RCAN2: variants seen among roughly 807,000 people sequenced by gnomAD.
RCAN2 encodes regulator of calcineurin 2.
RCAN2 carries 9 observed loss-of-function variants against 23.6 expected under a neutral mutation model. The observed-to-expected ratio is 0.38, with a 90% CI of 0.23 to 0.67. The LOEUF (loss-of-function observed/expected upper bound fraction) is 0.67, where lower values mean the gene tolerates loss of function less well. Among genes scored for constraint, RCAN2 ranks in the 30% least tolerant of loss-of-function variants. The pLI is 0.51. For synonymous variants in RCAN2, 109 were observed against 115.7 expected, an observed-to-expected ratio of 0.94 and a Z score of 0.37; for missense variants, 273 against 302.3, an observed-to-expected ratio of 0.90 and a Z score of 0.72.
chr6:46,366,655 C>T (rs1203485837), intron 2 of RCAN2, among the ~76,000 whole-genome samples: 4 of 152,024 alleles, frequency 2.6e-5, no homozygotes, highest in African/African-American at 9.7e-5. Flanking sequence ...TCCTCCATCA[C>T]ACCACCCCCC....
chr6:46,471,199 A>G (rs1768550951), intron 1 of RCAN2, among the ~76,000 whole-genome samples: 1 of 152,232 alleles, frequency 6.6e-6, no homozygotes, highest in Non-Finnish European at 1.5e-5. Context: ...TTACCCTGAG[A>G]TGGGAAGCCA....
intron 2 of RCAN2, among the ~76,000 whole-genome samples, chr6:46,438,916 G>A (rs370441525): frequency 3.9e-5 from 6 of 152,090 alleles, no homozygotes; most frequent in East Asian, 1.9e-4. Flanking sequence ...GTACTCTTTC[G>A]CTTTGTTAGT....
rs566238080 is a variant in RCAN2 at position 46,265,894 on chromosome 6, T to C, written c.226-16998A>G. ...CAACTCTTGGTACTCCTGTAGCACATGAGCATATGGAGAGTTGGAATTCTT... is the reference window on the plus strand; with the variant it reads ...CAACTCTTGGTACTCCTGTAGCACACGAGCATATGGAGAGTTGGAATTCTT... On this transcript the variant is annotated intron_variant, in intron 2 of 4. Coordinates refer to ENST00000371374, the MANE Select transcript of RCAN2 (RefSeq NM_001251974.2). Among the ~76,000 whole-genome samples the C allele has an allele frequency of 6.8e-4, 103 of 152,310 alleles. No individual in the cohort carries two copies. In the South Asian group the frequency reaches 0.021, roughly 31 times the overall value.
chr6:46,443,902 G>T (rs1229389649), intron 2 of RCAN2, among the ~76,000 whole-genome samples: 1 of 152,172 alleles, frequency 6.6e-6, no homozygotes, highest in East Asian at 1.9e-4. Context: ...GGACTTAAAA[G>T]TCAGAAAGCC....
intron 2 of RCAN2, among the ~76,000 whole-genome samples, chr6:46,418,693 G>GTATATATATATATATATA (rs1402938888): frequency 2.0e-5 from 2 of 99,608 alleles, no homozygotes; most frequent in African/African-American, 7.2e-5. Flanking sequence ...ATATGTGTGT[G>GTATATATATATATATATA]TGTATATATA....
intron 2 of RCAN2, among the ~76,000 whole-genome samples, chr6:46,399,624 G>A (rs1766193440): frequency 6.6e-6 from 1 of 151,868 alleles, no homozygotes; most frequent in Non-Finnish European, 1.5e-5. Flanking sequence ...TCTGTTTTAT[G>A]TCTCACTACT....
At chr6:46,459,277 A>T (rs1468818744) in intron 1 of RCAN2, among the ~76,000 whole-genome samples, 1 of 152,204 alleles carries the variant, frequency 6.6e-6, no homozygotes, top group Non-Finnish European at 1.5e-5. Context: ...TTTTATTTTT[A>T]ATCTCATCCC....
intron 1 of RCAN2, among the ~76,000 whole-genome samples, chr6:46,489,264 G>A (rs1469428818): frequency 6.6e-6 from 1 of 152,104 alleles, no homozygotes; most frequent in Non-Finnish European, 1.5e-5. Flanking sequence ...TTCTTCTGTT[G>A]GCTCCCATTA....
intron 2 of RCAN2, among the ~76,000 whole-genome samples, chr6:46,390,019 CAAAAA>C (rs34443128): frequency 7.3e-6 from 1 of 137,666 alleles, no homozygotes. Context: ...TATTCGAGAC[CAAAAA>C]AAAAAAAAAA....
At chr6:46,243,579 G>A (rs1016975278) in intron 4 of RCAN2, among the ~76,000 whole-genome samples, 2 of 152,048 alleles carry the variant, frequency 1.3e-5, no homozygotes, top group Non-Finnish European at 2.9e-5. Context: ...GGGAGACTGA[G>A]GCGGGTGGAT....
intron 2 of RCAN2, among the ~76,000 whole-genome samples, chr6:46,259,865 A>G (rs1406537553): frequency 1.3e-5 from 2 of 152,208 alleles, no homozygotes; most frequent in Non-Finnish European, 2.9e-5. Flanking sequence ...TCCTTTTATT[A>G]TAAAGAATAC....
chr6:46,257,096 G>C (rs1233768017), intron 2 of RCAN2, among the ~76,000 whole-genome samples: 1 of 152,216 alleles, frequency 6.6e-6, no homozygotes, highest in Non-Finnish European at 1.5e-5. Context: ...CGATTGGTCT[G>C]TTAGAGTTTC....
intron 2 of RCAN2, chr6:46,325,621 C>T (rs1390113688): frequency 2.1e-6 from 3 of 1,439,874 alleles, no homozygotes; most frequent in Non-Finnish European, 2.7e-6. Flanking sequence ...CTCCTGGAGC[C>T]CGCTCCCACT....
intron 2 of RCAN2, among the ~76,000 whole-genome samples, chr6:46,312,918 T>C (rs1036711978): frequency 5.3e-5 from 8 of 152,166 alleles, no homozygotes; most frequent in African/African-American, 1.9e-4. Flanking sequence ...GGACTTCCAG[T>C]CAGACTAGGC....
Position 46,262,149 on chromosome 6 carries a change from GC to G in RCAN2, c.226-13254del, listed in dbSNP as rs142847320. On this transcript the variant is annotated intron_variant, in intron 2 of 4. Coordinates refer to ENST00000371374, the MANE Select transcript of RCAN2 (RefSeq NM_001251974.2). ...GTGTCTTTGATGTAATGGCCCTGAAGCCATTTTTTTTTTAAGCTGGGGCCTC... is the reference window on the plus strand; with the variant it reads ...GTGTCTTTGATGTAATGGCCCTGAAGCATTTTTTTTTTAAGCTGGGGCCTC... Among the ~76,000 whole-genome samples the G allele has an allele frequency of 8.2e-3, 1,253 of 152,026 alleles. 14 individuals carry two copies. The highest frequency in any genetic ancestry group is 0.028 in the African/African-American group (1,176 of 41,392).
At chr6:46,237,026 C>G (rs890201121) in intron 4 of RCAN2, among the ~76,000 whole-genome samples, 3 of 151,914 alleles carry the variant, frequency 2.0e-5, no homozygotes, top group African/African-American at 7.2e-5. Flanking sequence ...TAAACTCAGG[C>G]TTGCCTGACT....
chr6:46,446,148 A>T (rs556522508), intron 2 of RCAN2, among the ~76,000 whole-genome samples: 35 of 151,652 alleles, frequency 2.3e-4, no homozygotes, highest in Non-Finnish European at 4.9e-4. Context: ...AGATAAAAAG[A>T]GGATCCTAAA....
At chr6:46,267,177 A>G (rs1444361896) in intron 2 of RCAN2, among the ~76,000 whole-genome samples, 3 of 152,236 alleles carry the variant, frequency 2.0e-5, no homozygotes, top group Admixed American at 6.5e-5. Context: ...TCTAATTCAT[A>G]TATTTGCCAA....
At chr6:46,439,387 A>G (rs145720802) in intron 2 of RCAN2, among the ~76,000 whole-genome samples, 21 of 152,328 alleles carry the variant, frequency 1.4e-4, no homozygotes, top group Admixed American at 6.5e-4. Flanking sequence ...AGTGTTTTGT[A>G]GCTATTTCTT....
Sources: gnomAD v4.1 joint callset for allele counts (sites outside exome capture counted in the v4.1 genomes callset) on GRCh38, gnomAD v4.1.1 for gene constraint, MANE v1.5 for transcripts, NCBI Gene and HGNC (gene_info 2026-07-23, HGNC 2026-07-21) for gene names.